USP32: variants seen among roughly 807,000 people sequenced by gnomAD.
USP32 encodes ubiquitin specific peptidase 32.
In USP32, 59 loss-of-function variants were observed where a neutral mutation model predicts 204.8. The ratio of observed to expected loss-of-function variants is 0.29; its 90% CI spans 0.23 to 0.36. The LOEUF is 0.36. Among genes scored for constraint, USP32 ranks in the 10% least tolerant of loss-of-function variants. The pLI is 1.00. For missense variants in USP32, 1,160 were observed against 1,946.4 expected (o/e 0.60, Z 7.60); for synonymous variants, 517 against 678.4 (o/e 0.76, Z 3.70).
chr17:60,306,470 T>G (rs1323734657), intron 2 of USP32, among the ~76,000 whole-genome samples: 1 of 151,998 alleles, frequency 6.6e-6, no homozygotes, highest in Non-Finnish European at 1.5e-5. Context: ...AAACCTTGTC[T>G]CTACTAAAAA....
intron 28 of USP32, among the ~76,000 whole-genome samples, chr17:60,191,724 T>C (rs2145410119): frequency 6.6e-6 from 1 of 151,760 alleles, no homozygotes; most frequent in East Asian, 2.0e-4. Context: ...TTAGCTAGGA[T>C]GGTCTCAATC....
At chr17:60,398,660 A>AT (rs202079564) in intron 1 of USP32, among the ~76,000 whole-genome samples, 103 of 151,718 alleles carry the variant, frequency 6.8e-4, no homozygotes, top group Middle Eastern at 3.4e-3. Context: ...TACAAAGATG[A>AT]TTTTTTTTTA....
intron 22 of USP32, among the ~76,000 whole-genome samples, chr17:60,209,114 T>C (rs1448061780): frequency 6.6e-6 from 1 of 152,182 alleles, no homozygotes; most frequent in Admixed American, 6.6e-5. Flanking sequence ...CTCTTTAAAT[T>C]CCACTGGATA....
intron 31 of USP32, 150 bp from the exon 32 acceptor site, chr17:60,181,898 G>A: frequency 1.6e-6 from 2 of 1,260,236 alleles, no homozygotes; most frequent in East Asian, 2.5e-5. Context: ...TTCCTATTAT[G>A]TAGCCAGTAA....
At chr17:60,192,376 T>A (rs1199147949) in intron 28 of USP32, among the ~76,000 whole-genome samples, 1 of 152,214 alleles carries the variant, frequency 6.6e-6, no homozygotes, top group Non-Finnish European at 1.5e-5. Context: ...TGGTATGGAC[T>A]GTAGTTTATA....
chr17:60,401,174 G>A, intron 1 of USP32, among the ~76,000 whole-genome samples: 1 of 148,482 alleles, frequency 6.7e-6, no homozygotes, highest in Non-Finnish European at 1.5e-5. Flanking sequence ...AAAAAAAAAA[G>A]ACCGGGCGCA....
At chr17:60,310,364 A>G (rs975768440) in intron 2 of USP32, among the ~76,000 whole-genome samples, 3 of 152,200 alleles carry the variant, frequency 2.0e-5, no homozygotes, top group Admixed American at 6.5e-5. Flanking sequence ...AGATGAATGG[A>G]TAAAGAAAAT....
intron 1 of USP32, among the ~76,000 whole-genome samples, chr17:60,377,188 C>T (rs772642882): frequency 3.3e-5 from 5 of 152,096 alleles, no homozygotes; most frequent in Non-Finnish European, 7.4e-5. Flanking sequence ...GGGCCAGGCA[C>T]GTGGTTCACG....
In USP32 at chr17:60,179,222, C is replaced by G; in HGVS notation, c.*33G>C. 6.9e-6 allele frequency: 11 copies of G among 1,597,690 alleles called. No individual in the cohort carries two copies. The highest frequency in any genetic ancestry group is 9.4e-6 in the Non-Finnish European group (11 of 1,168,786). On this transcript the variant is annotated 3_prime_UTR_variant, in exon 34 of 34. Coordinates refer to ENST00000300896, the MANE Select transcript of USP32 (RefSeq NM_032582.4). ...CAGCTACAAGGAGTCATCTCCCTCA[C>G]CGCCAAGCTGTCTAGCAGCCAGAGT... is the stretch of plus-strand genomic sequence containing the variant.
At chr17:60,383,235 CAA>C (rs11300967) in intron 1 of USP32, among the ~76,000 whole-genome samples, 20 of 74,040 alleles carry the variant, frequency 2.7e-4, no homozygotes, top group Admixed American at 4.4e-4. Context: ...GACATCGTCC[CAA>C]AAAAAAAAAA....
intron 2 of USP32, among the ~76,000 whole-genome samples, chr17:60,344,950 A>C (rs373056704): frequency 2.6e-5 from 4 of 152,190 alleles, no homozygotes; most frequent in East Asian, 1.9e-4. Flanking sequence ...AGGGACGCAC[A>C]GTGGCGCCGG....
intron 1 of USP32, among the ~76,000 whole-genome samples, chr17:60,410,695 A>G (rs976145446): frequency 6.6e-6 from 1 of 152,150 alleles, no homozygotes; most frequent in Non-Finnish European, 1.5e-5. Context: ...AGAAAGAACT[A>G]GAGAAGCAAG....
At chr17:60,240,344 C>T (rs2085844067) in intron 11 of USP32, among the ~76,000 whole-genome samples, 2 of 152,064 alleles carry the variant, frequency 1.3e-5, no homozygotes, top group African/African-American at 4.8e-5. Context: ...AGTCTGTCTT[C>T]CTTGTTATGT....
At chr17:60,402,052 G>T (rs1030305759) in intron 1 of USP32, among the ~76,000 whole-genome samples, 1 of 152,114 alleles carries the variant, frequency 6.6e-6, no homozygotes. Context: ...TTGTCTGAGT[G>T]AAATGAAAAC....
Position 60,371,185 on chromosome 17 carries a change from T to C in USP32, c.58+20697A>G, listed in dbSNP as rs1363923769. Among the ~76,000 whole-genome samples, 4 of 147,176 alleles carry C rather than the reference T, an allele frequency of 2.7e-5. No homozygotes were observed. The Admixed American group carries it at 2.8e-4, about 10-fold the overall frequency. On this transcript the variant is annotated intron_variant, in intron 1 of 33. Coordinates refer to ENST00000300896, the MANE Select transcript of USP32 (RefSeq NM_032582.4). ...AGGAGGATTGCTTGAGCCCAAGAGT[T>C]CCAAGGCTGCAGTGAGCACCACTGC... is the stretch of plus-strand genomic sequence containing the variant.
At chr17:60,232,475 A>AT (rs1567788396) in intron 12 of USP32, among the ~76,000 whole-genome samples, 10 of 136,822 alleles carry the variant, frequency 7.3e-5, no homozygotes, top group Admixed American at 2.1e-4. Context: ...ACCTGGCCCA[A>AT]ATTTTTTTTT....
chr17:60,180,894 T>TTAC (rs1331829178), intron 32 of USP32, among the ~76,000 whole-genome samples: 1 of 150,766 alleles, frequency 6.6e-6, no homozygotes, highest in African/African-American at 2.4e-5. Flanking sequence ...ATTATTATTA[T>TTAC]TATTTTGAGA....
chr17:60,353,513 GGT>G, intron 1 of USP32, among the ~76,000 whole-genome samples: 1 of 152,262 alleles, frequency 6.6e-6, no homozygotes, highest in Middle Eastern at 3.4e-3. Context: ...GGCCGAAGCA[GGT>G]GGATCACTTA....
At chr17:60,232,570 A>G (rs1467081762) in intron 12 of USP32, among the ~76,000 whole-genome samples, 42 of 141,344 alleles carry the variant, frequency 3.0e-4, no homozygotes, top group Admixed American at 5.1e-4. Context: ...TTTTTTAAAT[A>G]CAGTCTCATT....
Sources: gnomAD v4.1 joint callset for allele counts (sites outside exome capture counted in the v4.1 genomes callset) on GRCh38, gnomAD v4.1.1 for gene constraint, MANE v1.5 for transcripts, NCBI Gene and HGNC (gene_info 2026-07-23, HGNC 2026-07-21) for gene names.